CWH43: variants seen among roughly 807,000 people sequenced by gnomAD.
CWH43 encodes the protein cell wall biogenesis 43 C-terminal homolog.
A neutral mutation model predicts 85.7 loss-of-function variants in CWH43; 91 were observed. The observed-to-expected ratio is 1.06, with a 90% CI of 0.90 to 1.26. CWH43 has a LOEUF of 1.26. Among genes scored for constraint, CWH43 ranks in the 50% most tolerant of loss-of-function variants. CWH43 has a pLI of 0.00. For missense variants in CWH43, 869 were observed against 839.2 expected (o/e 1.04, Z -0.44); for synonymous variants, 323 against 293.6 (o/e 1.10, Z -1.02).
At chr4:49,017,851 T>A (rs1011877527) in intron 9 of CWH43, among the ~76,000 whole-genome samples, 2 of 151,602 alleles carry the variant, frequency 1.3e-5, no homozygotes, top group Non-Finnish European at 2.9e-5. Flanking sequence ...TTTTTTTTTT[T>A]ATTTGATGGA....
intron 6 of CWH43, among the ~76,000 whole-genome samples, chr4:48,999,149 G>T (rs1782911695): frequency 6.6e-6 from 1 of 152,072 alleles, no homozygotes; most frequent in Non-Finnish European, 1.5e-5. Flanking sequence ...TCATCATTCA[G>T]CTCCCATTTA....
chr4:49,034,024 C>G (rs575216707), intron 12 of CWH43, among the ~76,000 whole-genome samples: 14 of 152,112 alleles, frequency 9.2e-5, no homozygotes, highest in Non-Finnish European at 1.9e-4. Context: ...TGAATATTTT[C>G]TTAAAAAACT....
chr4:49,034,116 A>G lies in CWH43; in HGVS notation c.1658+1401A>G, dbSNP rs138327434. Among the ~76,000 whole-genome samples the G allele has an allele frequency of 1.0e-3, 154 of 152,292 alleles. 1 individual carries two copies. The highest frequency in any genetic ancestry group is 3.6e-3 in the African/African-American group (149 of 41,560). ...GAACCAGACTCTTGCTTACCTCCTT[A>G]GAAATAAGAAGAGTGTTTGGAGGAT... is the stretch of plus-strand genomic sequence containing the variant. On this transcript the variant is annotated intron_variant, in intron 12 of 15. Coordinates refer to ENST00000226432, the MANE Select transcript of CWH43 (RefSeq NM_025087.3).
At position 48,992,650 on chromosome 4, in the gene CWH43, C is replaced by G. The variant is rs1163574303; in HGVS notation, c.511+560C>G. ...AGCTTTCTCCGAGACAGAAACATGC[C>G]CAGCTTAGAGTTTGTTTCATAAACC... On this transcript the variant is annotated intron_variant, in intron 4 of 15. Transcript: ENST00000226432. The surrounding 1 kb of genome is among the most constrained non-coding windows in gnomAD (Gnocchi z 4.3). 6.6e-6 allele frequency among the ~76,000 whole-genome samples: 1 copy of G among 152,126 alleles called. No homozygotes were observed. The highest frequency in any genetic ancestry group is 1.5e-5 in the Non-Finnish European group (1 of 68,022).
intron 9 of CWH43, among the ~76,000 whole-genome samples, chr4:49,018,170 C>T (rs1306960812): frequency 6.6e-6 from 1 of 152,078 alleles, no homozygotes; most frequent in Non-Finnish European, 1.5e-5. Context: ...CTCATGAGAA[C>T]TCACTCTTTC....
chr4:48,993,748 C>T (rs1782726531), intron 4 of CWH43, among the ~76,000 whole-genome samples: 1 of 151,984 alleles, frequency 6.6e-6, no homozygotes, highest in Non-Finnish European at 1.5e-5. Context: ...TACCTGATCT[C>T]TCTGTGTCTG....
intron 9 of CWH43, among the ~76,000 whole-genome samples, chr4:49,019,683 G>C (rs1484007490): frequency 8.6e-5 from 13 of 151,892 alleles, no homozygotes; most frequent in African/African-American, 2.9e-4. Flanking sequence ...GGGTTGAAGC[G>C]ATTCTCTTGC....
intron 10 of CWH43, 118 bp downstream of exon 10, chr4:49,028,852 A>G: frequency 1.5e-6 from 1 of 669,474 alleles, no homozygotes; most frequent in Non-Finnish European, 2.5e-6. Context: ...TGACCAGCAG[A>G]TGATCATAAA....
At chr4:49,007,131 C>T (rs1423712600) in intron 7 of CWH43, 70 bp from the exon 8 acceptor site, 12 of 1,500,094 alleles carry the variant, frequency 8.0e-6, no homozygotes, top group African/African-American at 1.4e-5. Flanking sequence ...GAACTCTCAG[C>T]TGCTGGAATA....
intron 8 of CWH43, among the ~76,000 whole-genome samples, chr4:49,015,241 A>T (rs1577674413): frequency 1.4e-5 from 2 of 145,024 alleles, no homozygotes; most frequent in African/African-American, 2.5e-5. Context: ...TTTCTTTTTG[A>T]TATTTTTTTC....
intron 2 of CWH43, among the ~76,000 whole-genome samples, chr4:48,989,753 C>T (rs1401407744): frequency 3.9e-5 from 6 of 152,154 alleles, no homozygotes; most frequent in Admixed American, 3.3e-4. Flanking sequence ...ACAACTCAGG[C>T]TCAGAAGGAT....
intron 8 of CWH43, among the ~76,000 whole-genome samples, chr4:49,012,758 C>T (rs1334593123): frequency 1.3e-5 from 2 of 152,176 alleles, no homozygotes; most frequent in East Asian, 3.8e-4. Context: ...TTGGAGTTTG[C>T]TGGAGGTCCA....
intron 9 of CWH43, among the ~76,000 whole-genome samples, chr4:49,026,206 C>T (rs1000573192): frequency 6.6e-6 from 1 of 152,212 alleles, no homozygotes; most frequent in Non-Finnish European, 1.5e-5. Flanking sequence ...TCCAACCGTG[C>T]CCCCACAACA....
rs915100682 is a variant in CWH43 at position 49,010,489 on chromosome 4, G to C, written c.1186+3163G>C. On this transcript the variant is annotated intron_variant, in intron 8 of 15. Transcript: ENST00000226432. ...TCTCTATCTCCTTTCGTTCTGCTCT[G>C]ATCTTAGTTATTTCTTGCCTTCTGC... Among the ~76,000 whole-genome samples, 25 of 152,150 alleles carry C rather than the reference G, an allele frequency of 1.6e-4. 1 individual carries two copies. The highest frequency in any genetic ancestry group is 1.2e-3 in the East Asian group (6 of 5,176).
chr4:49,060,251 TC>T (rs775791135), intron 15 of CWH43, among the ~76,000 whole-genome samples: 20 of 151,696 alleles, frequency 1.3e-4, no homozygotes, highest in Non-Finnish European at 2.8e-4. Context: ...GGAGGCCAGG[TC>T]CATGGGCACT....
At chr4:49,038,552 A>G (rs1784335783) in intron 13 of CWH43, among the ~76,000 whole-genome samples, 1 of 152,214 alleles carries the variant, frequency 6.6e-6, no homozygotes, top group African/African-American at 2.4e-5. Flanking sequence ...CTGGCTTTCA[A>G]TAGTGAAAAT....
chr4:49,025,698 G>A lies in CWH43; in HGVS notation c.1267-2931G>A, dbSNP rs12108328. ...GAGTATCTGCAAAAAATCCTATGATGTGATCCATCTTCAAATCTCTTGGCC... is the reference window on the plus strand; with the variant it reads ...GAGTATCTGCAAAAAATCCTATGATATGATCCATCTTCAAATCTCTTGGCC... On this transcript the variant is annotated intron_variant, in intron 9 of 15. Coordinates refer to ENST00000226432, the MANE Select transcript of CWH43 (RefSeq NM_025087.3). 9.8e-3 allele frequency among the ~76,000 whole-genome samples: 1,497 copies of A among 152,304 alleles called. 18 individuals carry two copies. Among genetic ancestry groups the A allele is most frequent in the African/African-American group, 0.03 (1,242 of 41,548 alleles).
At chr4:49,015,323 T>C (rs1184567988) in intron 8 of CWH43, among the ~76,000 whole-genome samples, 1 of 152,092 alleles carries the variant, frequency 6.6e-6, no homozygotes, top group Non-Finnish European at 1.5e-5. Flanking sequence ...AATTATACTT[T>C]CAATATCTAT....
At chr4:49,044,879 C>A in intron 14 of CWH43, 32 bp downstream of exon 14, 2 of 1,566,216 alleles carry the variant, frequency 1.3e-6, no homozygotes, top group South Asian at 1.1e-5. Context: ...TGTTTTTAAT[C>A]TATTATTAAT....
Sources: allele counts gnomAD v4.1 joint callset (sites outside exome capture counted in the v4.1 genomes callset), GRCh38; gene constraint gnomAD v4.1.1; non-coding constraint Gnocchi (gnomAD v3.1); transcripts MANE v1.5; gene names NCBI Gene and HGNC (gene_info 2026-07-23, HGNC 2026-07-21).